The following PHACTR1 variants were observed in gnomAD, a reference collection of about 807,000 sequenced individuals.
PHACTR1 encodes the protein phosphatase and actin regulator 1.
Under a neutral mutation model 69.2 loss-of-function variants are expected in PHACTR1, and 16 were observed. The observed-to-expected ratio is 0.23, with a 90% CI of 0.16 to 0.35. The LOEUF is 0.35. Among genes scored for constraint, PHACTR1 ranks in the 10% least tolerant of loss-of-function variants. The pLI is 1.00. For synonymous variants in PHACTR1, 312 were observed against 284.5 expected, an observed-to-expected ratio of 1.10 and a Z score of -0.97; for missense variants, 510 against 734.7, an observed-to-expected ratio of 0.69 and a Z score of 3.54.
At chr6:13,035,451 A>G (rs966835451) in intron 4 of PHACTR1, among the ~76,000 whole-genome samples, 2 of 151,824 alleles carry the variant, frequency 1.3e-5, no homozygotes, top group Non-Finnish European at 2.9e-5. Flanking sequence ...CTAACAACCC[A>G]TTTTACTGCA....
intron 4 of PHACTR1, among the ~76,000 whole-genome samples, chr6:12,880,329 C>T (rs550246952): frequency 3.0e-4 from 46 of 151,316 alleles, no homozygotes; most frequent in East Asian, 5.9e-4. Context: ...CTGGCTCAAA[C>T]GATCCTCCCA....
intron 4 of PHACTR1, among the ~76,000 whole-genome samples, chr6:12,956,170 T>C (rs1791874783): frequency 6.6e-6 from 1 of 152,172 alleles, no homozygotes; most frequent in African/African-American, 2.4e-5. Context: ...CTCATCAACA[T>C]AAATAGTTCT....
intron 4 of PHACTR1, among the ~76,000 whole-genome samples, chr6:12,825,657 T>TTTCC (rs1776722279): frequency 6.6e-6 from 1 of 152,198 alleles, no homozygotes; most frequent in African/African-American, 2.4e-5. Flanking sequence ...TTCCTGCCTT[T>TTTCC]TTCCTTTCCC....
chr6:13,285,628 A>T (rs749324778), intron 13 of PHACTR1, among the ~76,000 whole-genome samples: 1 of 152,214 alleles, frequency 6.6e-6, no homozygotes, highest in Non-Finnish European at 1.5e-5. Context: ...TGTATCTCAC[A>T]TGGTGAAATA....
intron 4 of PHACTR1, among the ~76,000 whole-genome samples, chr6:12,757,187 G>C (rs1309262927): frequency 6.6e-6 from 1 of 152,168 alleles, no homozygotes; most frequent in Non-Finnish European, 1.5e-5. Context: ...CAGTTCTTCA[G>C]TGCGGGTAAA....
chr6:13,105,469 T>TC (rs1215235093), intron 5 of PHACTR1, among the ~76,000 whole-genome samples: 2 of 152,072 alleles, frequency 1.3e-5, no homozygotes, highest in South Asian at 2.1e-4. Context: ...AAAGGTTTTT[T>TC]CCCCCCTTTA....
At chr6:12,895,923 A>G (rs544957634) in intron 4 of PHACTR1, among the ~76,000 whole-genome samples, 3 of 152,220 alleles carry the variant, frequency 2.0e-5, no homozygotes, top group Non-Finnish European at 4.4e-5. Flanking sequence ...CACAGGGATC[A>G]TGTCAAGGAG....
chr6:12,741,768 C>CA (rs70987094), intron 3 of PHACTR1, among the ~76,000 whole-genome samples: 114,431 of 143,460 alleles, frequency 0.8, 45,972 homozygotes, highest in Non-Finnish European at 0.86. Flanking sequence ...TGTCAAACTC[C>CA]AAAAAAAAAA....
chr6:13,256,701 A>C (rs1017491676), intron 10 of PHACTR1, among the ~76,000 whole-genome samples: 1 of 152,234 alleles, frequency 6.6e-6, no homozygotes, highest in Non-Finnish European at 1.5e-5. Flanking sequence ...CAAGTTCTTT[A>C]CTAAAGCATA....
chr6:13,193,281 T>C (rs1763849655), intron 7 of PHACTR1, among the ~76,000 whole-genome samples: 1 of 150,108 alleles, frequency 6.7e-6, no homozygotes, highest in Non-Finnish European at 1.5e-5. Context: ...TCCTTGTTTT[T>C]CCTTTAAAGT....
chr6:12,740,334 C>T (rs1034359075), intron 3 of PHACTR1, among the ~76,000 whole-genome samples: 6 of 152,060 alleles, frequency 3.9e-5, no homozygotes, highest in African/African-American at 1.4e-4. Context: ...ACAAAGTCTT[C>T]CAAGGTGATC....
At chr6:12,810,637 C>T (rs551461863) in intron 4 of PHACTR1, among the ~76,000 whole-genome samples, 29 of 152,266 alleles carry the variant, frequency 1.9e-4, no homozygotes, top group Non-Finnish European at 3.4e-4. Flanking sequence ...GCTCATGTTC[C>T]GGCATCCTCC....
chr6:13,080,056 A>C (rs1811130441), intron 5 of PHACTR1, among the ~76,000 whole-genome samples: 1 of 152,062 alleles, frequency 6.6e-6, no homozygotes, highest in African/African-American at 2.4e-5. Context: ...AGGCTCAAAA[A>C]TTCACCCATA....
chr6:13,281,030 T>G, intron 12 of PHACTR1: 1 of 1,289,588 alleles, frequency 7.8e-7, no homozygotes, highest in South Asian at 1.2e-5. Flanking sequence ...GCTCATTCCC[T>G]CTGAGCACTT....
intron 8 of PHACTR1, among the ~76,000 whole-genome samples, chr6:13,225,772 T>C (rs1360601557): frequency 6.6e-6 from 1 of 152,202 alleles, no homozygotes. Flanking sequence ...ATAGGAACCA[T>C]TGCTAATTAA....
rs1561767930 is a variant in PHACTR1 at position 13,059,495 on chromosome 6, A to ACAC, written c.415+5966_415+5967insCAC. On this transcript the variant is annotated intron_variant, in intron 5 of 14. Transcript: ENST00000332995. ...ACACACACACACACACACACACACA[A>ACAC]AACCCACAGAGGAACACAAGGGAAC... Among the ~76,000 whole-genome samples the ACAC allele has an allele frequency of 3.9e-3, 567 of 144,526 alleles. 4 individuals carry two copies. The highest frequency in any genetic ancestry group is 0.014 in the African/African-American group (513 of 37,258). The allele number at this position is 144,526 out of a possible 152,430, so 94.8% of individuals were successfully genotyped here. A position where few individuals can be genotyped will look rare whatever the true frequency, so the allele number is the denominator to read the frequency against.
intron 3 of PHACTR1, among the ~76,000 whole-genome samples, chr6:12,737,088 T>C (rs923832016): frequency 1.3e-5 from 2 of 152,086 alleles, no homozygotes; most frequent in Admixed American, 6.6e-5. Flanking sequence ...CTGAAAAATG[T>C]GTCATTAGGC....
At chr6:13,013,452 C>T (rs1273516605) in intron 4 of PHACTR1, among the ~76,000 whole-genome samples, 1 of 152,238 alleles carries the variant, frequency 6.6e-6, no homozygotes, top group Non-Finnish European at 1.5e-5. Context: ...AAACATTTTG[C>T]TTTCATTCGG....
chr6:13,230,315 GC>G (rs1770640066), intron 10 of PHACTR1, 122 bp downstream of exon 10: 2 of 1,515,434 alleles, frequency 1.3e-6, no homozygotes, highest in East Asian at 5.2e-5. Context: ...ACTTTGGGAG[GC>G]CGAGGCAGGT....
Sources: gnomAD v4.1 joint callset for allele counts (sites outside exome capture counted in the v4.1 genomes callset) on GRCh38, gnomAD v4.1.1 for gene constraint, MANE v1.5 for transcripts, NCBI Gene and HGNC (gene_info 2026-07-23, HGNC 2026-07-21) for gene names.